MUC15: variants seen among roughly 807,000 people sequenced by gnomAD.
MUC15 encodes mucin-15.
In MUC15, 23 loss-of-function variants were observed where a neutral mutation model predicts 24.0. The ratio of observed to expected loss-of-function variants is 0.96; its 90% CI spans 0.69 to 1.36. The LOEUF (loss-of-function observed/expected upper bound fraction) is 1.36, where lower values mean the gene tolerates loss of function less well. MUC15 is among the 40% of genes most tolerant of loss of function. MUC15 has a pLI of 0.00. For synonymous variants in MUC15, 151 were observed against 156.3 expected (o/e 0.97, Z 0.25); for missense variants, 442 against 428.2 (o/e 1.03, Z -0.29).
chr11:26,559,860 ACACAC>A lies in MUC15; in HGVS notation c.*1200_*1204del. ...TACACACACACACACACACACACAC[ACACAC>A]ACACACACACCATGAATCAATTCAA... On this transcript the variant is annotated 3_prime_UTR_variant, in exon 5 of 5. Coordinates refer to ENST00000529533, the MANE Select transcript of MUC15 (RefSeq NM_001135091.2). The A allele has an allele frequency of 1.1e-6, 1 of 911,640 alleles. No homozygotes were observed. The highest frequency in any genetic ancestry group is 1.8e-6 in the Non-Finnish European group (1 of 554,224). 56.5% of individuals were successfully genotyped at this position (911,640 alleles called of 1,614,324 possible). A position where few individuals can be genotyped will look rare whatever the true frequency, so the allele number is the denominator to read the frequency against.
rs1850538550 is a variant in MUC15 at position 26,565,561 on chromosome 11, G to C, written c.379C>G (p.Leu127Val). Residue 127 changes from leucine to valine, a missense_variant, in exon 3 of 5, where the codon CTA (leucine) becomes GTA (valine). By Grantham distance (32) the Leu-to-Val change is conservative. Transcript: ENST00000529533. ...GTGGAAATGGTAGATGTGGGTTTTA[G>C]ACTGCCCAAAGAATGCTCTGCTGAT... ...NSSAEHSLGS[L>V]KPTSTISTSP... 1 of 1,613,126 alleles carries C rather than the reference G, an allele frequency of 6.2e-7. No individual in the cohort carries two copies.
chr11:26,564,408 A>C (rs996031580), intron 3 of MUC15, among the ~76,000 whole-genome samples: 11 of 136,906 alleles, frequency 8.0e-5, no homozygotes, highest in African/African-American at 3.0e-4. Flanking sequence ...ACTGGAAGTG[A>C]GTTCTTGGAG....
In MUC15 at chr11:26,565,877, T is replaced by C. The variant is rs1233654259; in HGVS notation, c.63A>G (p.Pro21=). 3 of 1,577,976 alleles carry C rather than the reference T, an allele frequency of 1.9e-6. No individual in the cohort carries two copies. Among genetic ancestry groups the C allele is most frequent in the African/African-American group, 2.8e-5 (2 of 72,480 alleles). The change falls in exon 3 of 5, where the codon CCA becomes CCG. Residue 21 remains proline, a synonymous_variant. Coordinates refer to ENST00000529533, the MANE Select transcript of MUC15 (RefSeq NM_001135091.2). ...CCAACATTGTAGGCTTCTTTGGTAT[T>C]GGTTTTTTTTTAAAGGAATCTGAAA... The part of the protein sequence containing the change: ...SRDCYSFKKK[P]IPKKPTMLAL...
chr11:26,563,212 C>A lies in MUC15; in HGVS notation c.829G>T (p.Val277Phe). The change falls in exon 4 of 5, where the codon GTC (valine) becomes TTC (phenylalanine). Residue 277 changes from valine to phenylalanine, a missense_variant. By Grantham distance (50) the Val-to-Phe change is conservative. Transcript: ENST00000529533. Reference sequence around the variant, plus strand: ...TAGCCCACAAGAGTAAGCAATGAGACACCCAGAATAGCACCTAAAATGGCC... The same window carrying A: ...TAGCCCACAAGAGTAAGCAATGAGAAACCCAGAATAGCACCTAAAATGGCC... The part of the protein sequence containing the change: ...FGAILGAILG[V>F]SLLTLVGYLL... The A allele has an allele frequency of 6.2e-7, 1 of 1,612,160 alleles. No individual in the cohort carries two copies. The highest frequency in any genetic ancestry group is 1.7e-5 in the Admixed American group (1 of 59,858).
In MUC15 at chr11:26,561,207, G is replaced by T. The variant is rs759346265; in HGVS notation, c.944C>A (p.Ala315Glu). The change falls in exon 5 of 5, where the codon GCA (alanine) becomes GAA (glutamate). Residue 315 changes from alanine to glutamate, a missense_variant. By Grantham distance (107) the Ala-to-Glu change is moderately radical (BLOSUM62 -1). Coordinates refer to ENST00000529533, the MANE Select transcript of MUC15 (RefSeq NM_001135091.2). ...AAAACTCACATCATAAGGTTCCGGT[G>T]CATTGTCTAATCGCAGAACTAAAAA... ...RNEPVLRLDN[A>E]PEPYDVSFGN... is the part of the protein sequence containing the mutation. 1.9e-6 allele frequency: 3 copies of T among 1,608,632 alleles called. No individual in the cohort carries two copies. Among genetic ancestry groups the T allele is most frequent in the African/African-American group, 1.3e-5 (1 of 74,494 alleles).
chr11:26,564,777 A>C (rs541673691), intron 3 of MUC15, among the ~76,000 whole-genome samples: 3,768 of 101,646 alleles, frequency 0.037, 266 homozygotes, highest in Non-Finnish European at 0.06. Context: ...ATATATATAT[A>C]TATATATAAG....
At chr11:26,561,693 T>TA (rs1038025206) in intron 4 of MUC15, among the ~76,000 whole-genome samples, 47 of 152,074 alleles carry the variant, frequency 3.1e-4, no homozygotes, top group Admixed American at 2.1e-3. Context: ...GTGGAGGAGA[T>TA]AAAAAAAGTA....
At chr11:26,562,453 A>C (rs1217769617) in intron 4 of MUC15, among the ~76,000 whole-genome samples, 1 of 151,952 alleles carries the variant, frequency 6.6e-6, no homozygotes, top group African/African-American at 2.4e-5. Flanking sequence ...ATAAAACTGC[A>C]GATGAACCAA....
intron 4 of MUC15, among the ~76,000 whole-genome samples, chr11:26,561,639 A>G (rs1850298201): frequency 6.6e-6 from 1 of 151,932 alleles, no homozygotes; most frequent in South Asian, 2.1e-4. Context: ...TAATGTTATT[A>G]TTTTACCAAA....
Position 26,566,516 on chromosome 11 carries a change from C to G in MUC15, c.43+536G>C, listed in dbSNP as rs113738138. Among the ~76,000 whole-genome samples the G allele has an allele frequency of 1.3e-4, 19 of 151,934 alleles. 1 individual carries two copies. Among genetic ancestry groups the G allele is most frequent in the African/African-American group, 4.6e-4 (19 of 41,494 alleles). On this transcript the variant is annotated intron_variant, in intron 2 of 4. Transcript: ENST00000529533. ...TCATGAATTTGAATGTATCCCTTTT[C>G]CACAATACTTTTCATTTCATGATGT...
Position 26,567,100 on chromosome 11 carries a change from A to G in MUC15, c.-6T>C. 6.8e-7 allele frequency: 1 copy of G among 1,471,216 alleles called. No individual in the cohort carries two copies. Among genetic ancestry groups the G allele is most frequent in the Non-Finnish European group, 9.1e-7 (1 of 1,104,598 alleles). 91.1% of individuals were successfully genotyped at this position (1,471,216 alleles called of 1,614,324 possible). On this transcript the variant is annotated 5_prime_UTR_variant, in exon 2 of 5. Coordinates refer to ENST00000529533, the MANE Select transcript of MUC15 (RefSeq NM_001135091.2). ...ATAGATTGTATTATGCCCATTTTGC[A>G]GATGAAGAAACTGAAGCTCACAATG... is the stretch of plus-strand genomic sequence containing the variant.
At chr11:26,571,125 T>G (rs574330004) in intron 1 of MUC15, among the ~76,000 whole-genome samples, 41 of 152,156 alleles carry the variant, frequency 2.7e-4, no homozygotes, top group African/African-American at 9.1e-4. Context: ...CCTTGGGAGT[T>G]TTCAGTCATA....
chr11:26,563,438 A>G (rs933620596), intron 3 of MUC15, among the ~76,000 whole-genome samples, 173 bp from the exon 4 acceptor site: 1 of 136,508 alleles, frequency 7.3e-6, no homozygotes, highest in Non-Finnish European at 1.6e-5. Context: ...TGTGTCTTGT[A>G]AAGTACTATT....
At chr11:26,563,402 TG>T in intron 3 of MUC15, 137 bp from the exon 4 acceptor site, 1 of 166,686 alleles carries the variant, frequency 6.0e-6, no homozygotes, top group South Asian at 1.1e-4. Flanking sequence ...TCTCTGTGTG[TG>T]TGTGTGTGTG....
Position 26,565,286 on chromosome 11 carries a change from A to G in MUC15, c.654T>C (p.Leu218=). The G allele has an allele frequency of 6.2e-7, 1 of 1,606,504 alleles. No individual in the cohort carries two copies. Among genetic ancestry groups the G allele is most frequent in the Non-Finnish European group, 8.5e-7 (1 of 1,175,706 alleles). The change falls in exon 3 of 5, where the codon CTT becomes CTC. Residue 218 remains leucine (L), a synonymous_variant. Coordinates refer to ENST00000529533, the MANE Select transcript of MUC15 (RefSeq NM_001135091.2). ...TPLIVEPSGW[L]TTNSDSFTGF... Reference sequence around the variant, plus strand: ...CAGTGAAGCTATCACTGTTTGTGGTAAGCCATCCACTTGGTTCCACTATCA... The same window carrying G: ...CAGTGAAGCTATCACTGTTTGTGGTGAGCCATCCACTTGGTTCCACTATCA...
intron 1 of MUC15, among the ~76,000 whole-genome samples, chr11:26,567,940 A>G (rs1850660154): frequency 1.3e-5 from 2 of 152,058 alleles, no homozygotes; most frequent in Admixed American, 6.6e-5. Flanking sequence ...AAAACAGGCA[A>G]AAAGCTACAA....
rs1186696050 is a variant in MUC15 at position 26,561,198 on chromosome 11, G to T, written c.953C>A (p.Pro318His). Reference protein sequence around the residue: ...PVLRLDNAPEPYDVSFGNSSY... With the variant: ...PVLRLDNAPEHYDVSFGNSSY... ...AGAATTCCCAAAACTCACATCATAA[G>T]GTTCCGGTGCATTGTCTAATCGCAG... Residue 318 changes from proline (P) to histidine (H), a missense_variant, in exon 5 of 5, where the codon CCT becomes CAT. Transcript: ENST00000529533. 1.9e-6 allele frequency: 3 copies of T among 1,611,230 alleles called. No individual in the cohort carries two copies. Among genetic ancestry groups the T allele is most frequent in the Non-Finnish European group, 1.7e-6 (2 of 1,178,648 alleles).
chr11:26,561,147 T>C lies in MUC15; in HGVS notation c.1004A>G (p.Asp335Gly), dbSNP rs1850273668. The C allele has an allele frequency of 3.1e-6, 5 of 1,612,930 alleles. No homozygotes were observed. The highest frequency in any genetic ancestry group is 4.2e-6 in the Non-Finnish European group (5 of 1,179,302). ...TTCTTCACTTTCTGGCATGGCTGAA[T>C]CATTCAAAGTTGGATTGTAGTAGCT... ...NSSYYNPTLNDSAMPESEENA... is the reference protein window; with the variant it reads ...NSSYYNPTLNGSAMPESEENA... Residue 335 changes from aspartate to glycine, a missense_variant, in exon 5 of 5, where the codon GAT becomes GGT. Transcript: ENST00000529533.
intron 4 of MUC15, among the ~76,000 whole-genome samples, chr11:26,562,226 T>C (rs1195431332): frequency 1.3e-5 from 2 of 151,950 alleles, no homozygotes; most frequent in Non-Finnish European, 2.9e-5. Flanking sequence ...TTTTGTTTTG[T>C]ATTAGTTCCT....
Sources: gnomAD v4.1 joint callset for allele counts (sites outside exome capture counted in the v4.1 genomes callset) on GRCh38, gnomAD v4.1.1 for gene constraint, MANE v1.5 for transcripts, NCBI Gene and HGNC (gene_info 2026-07-23, HGNC 2026-07-21) for gene names.